Variants in SGSH observed in about 807,000 individuals in gnomAD.
SGSH encodes the protein N-sulfoglucosamine sulfohydrolase.
Under a neutral mutation model 51.0 loss-of-function variants are expected in SGSH, and 48 were observed. That is an observed-to-expected ratio of 0.94 (90% CI 0.75 to 1.20). SGSH has a LOEUF of 1.20. Among genes scored for constraint, SGSH ranks in the 50% most tolerant of loss-of-function variants. The pLI is 0.00. For missense variants in SGSH, 662 were observed against 717.8 expected, an observed-to-expected ratio of 0.92 and a Z score of 0.89; for synonymous variants, 321 against 313.4, an observed-to-expected ratio of 1.02 and a Z score of -0.26.
the SGSH span, chr17:80,201,366 G>A: frequency 5.4e-3 from 1,122 of 209,504 alleles, 9 homozygotes; most frequent in African/African-American, 0.025. The surrounding 1 kb of genome is among the most constrained non-coding windows in gnomAD (Gnocchi z 5.0). Flanking sequence ...GGTATAGCCC[G>A]CAGCAGCACA....
At chr17:80,205,165 G>GAA, downstream of SGSH, 1 of 1,613,860 alleles carries the variant, frequency 6.2e-7, no homozygotes, top group South Asian at 1.1e-5. Flanking sequence ...TCCTGAGCGA[G>GAA]AAACTGTGCC....
intron 7 of SGSH, chr17:80,211,762 T>C (rs752602725): frequency 3.6e-5 from 16 of 448,484 alleles, no homozygotes; most frequent in Non-Finnish European, 6.2e-5. Context: ...AATTTGGATA[T>C]TAACAAGCAT....
chr17:80,218,220 C>G (rs112168347), intron 1 of SGSH, among the ~76,000 whole-genome samples: 1 of 152,250 alleles, frequency 6.6e-6, no homozygotes, highest in African/African-American at 2.4e-5. Flanking sequence ...GCGTCTAAAG[C>G]TCTATGTGTG....
Position 80,214,265 on chromosome 17 carries a change from G to A in SGSH, c.570C>T (p.Tyr190=), listed in dbSNP as rs149951602. The change falls in exon 5 of 8, where the codon TAC becomes TAT. Residue 190 remains tyrosine (Y), a synonymous_variant. Transcript: ENST00000326317. ...PHRCGHSQPQ[Y]GTFCEKFGNG... ...TGCCAAACTTCTCACAGAAGGTTCC[G>A]TACTGGGGCTGGGAGTGCCCACAGC... 559 of 1,613,280 alleles carry A rather than the reference G, an allele frequency of 3.5e-4. No individual in the cohort carries two copies. Among genetic ancestry groups the A allele is most frequent in the Non-Finnish European group, 4.3e-4 (506 of 1,180,012 alleles).
At position 80,217,141 on chromosome 17, in the gene SGSH, G is replaced by T; in HGVS notation, c.140C>A (p.Thr47Asn). 1.2e-6 allele frequency: 2 copies of T among 1,601,704 alleles called. No homozygotes were observed. The highest frequency in any genetic ancestry group is 8.5e-7 in the Non-Finnish European group (1 of 1,176,240). ...SGAYNNSAIA[T>N]PHLDALARRS... ...GCGGGCCAAGGCGTCCAGGTGCGGG[G>T]TGGCGATGGCGCTGTTGTTGTACGC... is the stretch of plus-strand genomic sequence containing the variant. The change falls in exon 2 of 8, where the codon ACC becomes AAC. Residue 47 changes from threonine to asparagine, a missense_variant. Transcript: ENST00000326317.
chr17:80,214,519 C>G (rs898803631), intron 4 of SGSH, 96 bp downstream of exon 4: 4 of 1,396,154 alleles, frequency 2.9e-6, no homozygotes, highest in South Asian at 2.5e-5. Context: ...TGCCCCCATT[C>G]GAGCCACGTG....
At chr17:80,214,521 A>G in intron 4 of SGSH, 94 bp downstream of exon 4, 1 of 1,404,712 alleles carries the variant, frequency 7.1e-7, no homozygotes, top group Non-Finnish European at 9.8e-7. Flanking sequence ...CCCCCATTCG[A>G]GCCACGTGGG....
At chr17:80,201,796 C>T (rs761953699), downstream of SGSH, 37 of 1,613,990 alleles carry the variant, frequency 2.3e-5, no homozygotes, top group Non-Finnish European at 3.1e-5. The surrounding 1 kb of genome is among the most constrained non-coding windows in gnomAD (Gnocchi z 5.0). Flanking sequence ...GAGGACACGA[C>T]CCTGGAGGAG....
chr17:80,214,349 T>C (rs2041803969), intron 4 of SGSH, 21 bp from the exon 5 acceptor site: 1 of 1,608,138 alleles, frequency 6.2e-7, no homozygotes, highest in Non-Finnish European at 8.5e-7. Flanking sequence ...GGAGGCTCAT[T>C]GCCAAGGCTG....
chr17:80,209,489 AG>A lies in SGSH; in HGVS notation c.*962del, dbSNP rs2041536972. 3 of 985,460 alleles carry A rather than the reference AG, an allele frequency of 3.0e-6. No individual in the cohort carries two copies. Among genetic ancestry groups the A allele is most frequent in the Admixed American group, 6.1e-5 (1 of 16,274 alleles). The allele number at this position is 985,460 out of a possible 1,614,324, so 61.0% of individuals were successfully genotyped here. A position where few individuals can be genotyped will look rare whatever the true frequency, so the allele number is the denominator to read the frequency against. ...TTCTGCTCCCGAGGTGGGTGGAGGC[AG>A]GGCAGGAACGGCACATTCTCCCAGC... On this transcript the variant is annotated 3_prime_UTR_variant, in exon 8 of 8. Coordinates refer to ENST00000326317, the MANE Select transcript of SGSH (RefSeq NM_000199.5).
rs573496328 is a variant in SGSH, at chr17:80,212,156, C to T, written c.864G>A (p.Pro288=). 66 of 1,613,572 alleles carry T rather than the reference C, an allele frequency of 4.1e-5. 1 individual carries two copies. In the South Asian group the frequency reaches 5.9e-4, roughly 14 times the overall value. The change falls in exon 7 of 8, where the codon CCG becomes CCA. Residue 288 remains proline, a synonymous_variant. Coordinates refer to ENST00000326317, the MANE Select transcript of SGSH (RefSeq NM_000199.5). This position sits in a 1 kb window ranked among gnomAD's most constrained non-coding sequence, Gnocchi z 5.9. ...ACACCAGTAAGGGTTCAGCAGTGCC[C>T]GGCCAGTACAGGTTGGTCCTGCCGC... ...FPSGRTNLYW[P]GTAEPLLVSS... is the part of the protein sequence containing the mutation.
intron 7 of SGSH, 108 bp from the exon 8 acceptor site, chr17:80,211,119 T>G: frequency 6.5e-7 from 1 of 1,538,250 alleles, no homozygotes; most frequent in Non-Finnish European, 8.7e-7. Flanking sequence ...TCCAATCCAA[T>G]CAGCAGCGGG....
downstream of SGSH, among the ~76,000 whole-genome samples, chr17:80,207,983 ACTGGGGC>A (rs1222468288): frequency 6.6e-6 from 1 of 151,948 alleles, no homozygotes; most frequent in African/African-American, 2.4e-5. Context: ...GCCTCCCACC[ACTGGGGC>A]CTGGGGCCTA....
At chr17:80,201,862 A>G (rs770585235), downstream of SGSH, 41 of 1,613,010 alleles carry the variant, frequency 2.5e-5, no homozygotes, top group Non-Finnish European at 3.4e-5. This position sits in a 1 kb window ranked among gnomAD's most constrained non-coding sequence, Gnocchi z 5.0. Context: ...GTGAAGGTCA[A>G]CACGGACGGT....
chr17:80,217,115 G>A lies in SGSH; in HGVS notation c.166C>T (p.Arg56Cys), dbSNP rs761780038. The A allele has an allele frequency of 1.2e-5, 20 of 1,600,992 alleles. No homozygotes were observed. Among genetic ancestry groups the A allele is most frequent in the African/African-American group, 1.1e-4 (8 of 74,890 alleles). ...ATPHLDALAR[R>C]SLLFRNAFTS... Reference sequence around the variant, plus strand: ...AAGGCATTGCGAAAGAGGAGGCTGCGGCGGGCCAAGGCGTCCAGGTGCGGG... The same window carrying A: ...AAGGCATTGCGAAAGAGGAGGCTGCAGCGGGCCAAGGCGTCCAGGTGCGGG... Residue 56 changes from arginine to cysteine, a missense_variant, in exon 2 of 8, where the codon CGC becomes TGC. Arg to Cys is a radical substitution (Grantham distance 180). Transcript: ENST00000326317.
downstream of SGSH, chr17:80,204,517 G>C (rs977505413): frequency 1.8e-6 from 1 of 556,382 alleles, no homozygotes; most frequent in East Asian, 3.2e-5. Flanking sequence ...CCAGATACTC[G>C]GGAGGCTGAG....
At chr17:80,205,316 C>A, downstream of SGSH, 1 of 1,166,790 alleles carries the variant, frequency 8.6e-7, no homozygotes. Flanking sequence ...CCCCACCACG[C>A]ACATTCCCAC....
rs183387399 is a variant in SGSH, at chr17:80,215,558, C to A, written c.250-420G>T. Among the ~76,000 whole-genome samples, 82 of 152,362 alleles carry A rather than the reference C, an allele frequency of 5.4e-4. 1 individual carries two copies. The East Asian group carries it at 0.015, about 27-fold the overall frequency. ...ACTGCCGGCCGGGCGTGGTGGCTCACGCCTGTAATCCCGGCACTTTGGGAG... is the reference window on the plus strand; with the variant it reads ...ACTGCCGGCCGGGCGTGGTGGCTCAAGCCTGTAATCCCGGCACTTTGGGAG... On this transcript the variant is annotated intron_variant, in intron 2 of 7. Coordinates refer to ENST00000326317, the MANE Select transcript of SGSH (RefSeq NM_000199.5).
chr17:80,213,752 T>TG lies in SGSH; in HGVS notation c.745+51dup. On this transcript the variant is annotated intron_variant, in intron 6 of 7. Coordinates refer to ENST00000326317, the MANE Select transcript of SGSH (RefSeq NM_000199.5). This position sits in a 1 kb window ranked among gnomAD's most constrained non-coding sequence, Gnocchi z 4.6. ...GACCTAAGAGGGCGCTGGCCCAGGA[T>TG]GGGGGACCCCGGCCGTGGCACCCCC... 3 of 1,473,750 alleles carry TG rather than the reference T, an allele frequency of 2.0e-6. No homozygotes were observed. The South Asian group carries it at 3.6e-5, about 18-fold the overall frequency. The allele number at this position is 1,473,750 out of a possible 1,614,324, so 91.3% of individuals were successfully genotyped here. A position where few individuals can be genotyped will look rare whatever the true frequency, so the allele number is the denominator to read the frequency against.
Sources: gnomAD v4.1 joint callset for allele counts (sites outside exome capture counted in the v4.1 genomes callset) on GRCh38, gnomAD v4.1.1 for gene constraint, Gnocchi (gnomAD v3.1) non-coding constraint, MANE v1.5 for transcripts, NCBI Gene and HGNC (gene_info 2026-07-23, HGNC 2026-07-21) for gene names.